DYNC2I1: variants seen among roughly 807,000 people sequenced by gnomAD.
The protein encoded by DYNC2I1 is dynein 2 intermediate chain 1.
Under a neutral mutation model 133.4 loss-of-function variants are expected in DYNC2I1, and 89 were observed. That is an observed-to-expected ratio of 0.67 (90% CI 0.56 to 0.80). The LOEUF is 0.80. Among genes scored for constraint, DYNC2I1 ranks in the 30% least tolerant of loss-of-function variants. DYNC2I1 has a pLI of 0.00. For synonymous variants in DYNC2I1, 504 were observed against 484.3 expected, an observed-to-expected ratio of 1.04 and a Z score of -0.54; for missense variants, 1,291 against 1,314.5, an observed-to-expected ratio of 0.98 and a Z score of 0.28.
At chr7:158,944,705 A>G (rs1230816623) in intron 24 of DYNC2I1, among the ~76,000 whole-genome samples, 1 of 152,196 alleles carries the variant, frequency 6.6e-6, no homozygotes, top group Non-Finnish European at 1.5e-5. Context: ...TGACAAGGGC[A>G]GGGACCCTAC....
At chr7:158,841,188 TATATATATATATATATATATATATATA>T in the DYNC2I1 span, among the ~76,000 whole-genome samples, 1 of 70,338 alleles carries the variant, frequency 1.4e-5, no homozygotes, top group Non-Finnish European at 2.5e-5. Context: ...TATATATATA[TATATATATATATATATATATATATATA>T]TATATATTTT....
At chr7:158,933,170 G>A (rs1019390120) in intron 21 of DYNC2I1, among the ~76,000 whole-genome samples, 1 of 152,198 alleles carries the variant, frequency 6.6e-6, no homozygotes, top group Admixed American at 6.5e-5. Flanking sequence ...TTGATGATGT[G>A]GGTGTGGCAG....
In DYNC2I1 at chr7:158,915,721, G is replaced by A. The variant is rs1483450092; in HGVS notation, c.1791+1400G>A. 2.8e-3 allele frequency among the ~76,000 whole-genome samples: 316 copies of A among 111,364 alleles called. 1 individual carries two copies. Among genetic ancestry groups the A allele is most frequent in the African/African-American group, 0.011 (299 of 28,184 alleles). 73.1% of individuals were successfully genotyped at this position (111,364 alleles called of 152,430 possible). On this transcript the variant is annotated intron_variant, in intron 14 of 24. Coordinates refer to ENST00000407559, the MANE Select transcript of DYNC2I1 (RefSeq NM_018051.5). Reference sequence around the variant, plus strand: ...TTGACATTAAGGATGATTGTGAAACGTCGACACGCTGGTTGACATTAAGGA... The same window carrying A: ...TTGACATTAAGGATGATTGTGAAACATCGACACGCTGGTTGACATTAAGGA...
At position 158,916,142 on chromosome 7, in the gene DYNC2I1, ATGG is replaced by A. The variant is rs1467724299; in HGVS notation, c.1791+1826_1791+1828del. ...TTAAGGATGATTGTGAAACGTCGAC[ATGG>A]TGGTTGACATTAAGGATGATTGTGA... On this transcript the variant is annotated intron_variant, in intron 14 of 24. Coordinates refer to ENST00000407559, the MANE Select transcript of DYNC2I1 (RefSeq NM_018051.5). 1.2e-4 allele frequency among the ~76,000 whole-genome samples: 10 copies of A among 83,614 alleles called. 1 individual carries two copies. The highest frequency in any genetic ancestry group is 9.9e-4 in the East Asian group (4 of 4,054). The allele number at this position is 83,614 out of a possible 152,430, so 54.9% of individuals were successfully genotyped here.
chr7:158,957,397 CTTTG>C (rs924610444), downstream of DYNC2I1, among the ~76,000 whole-genome samples: 23 of 152,340 alleles, frequency 1.5e-4, no homozygotes, highest in African/African-American at 3.4e-4. Context: ...TAGACTACTT[CTTTG>C]TTTGTTTTAT....
intron 8 of DYNC2I1, among the ~76,000 whole-genome samples, chr7:158,895,429 T>A (rs1407418119): frequency 1.3e-5 from 2 of 152,234 alleles, no homozygotes; most frequent in African/African-American, 4.8e-5. Flanking sequence ...CATTGCTCCC[T>A]TTTCAAAGAT....
intron 4 of DYNC2I1, among the ~76,000 whole-genome samples, chr7:158,879,107 C>T (rs1375685422): frequency 1.3e-5 from 2 of 152,058 alleles, no homozygotes; most frequent in African/African-American, 2.4e-5. Context: ...AGCGAGGTGG[C>T]TGGGCTGCAG....
At chr7:158,891,935 T>C (rs1845268020) in intron 8 of DYNC2I1, among the ~76,000 whole-genome samples, 1 of 132,056 alleles carries the variant, frequency 7.6e-6, no homozygotes, top group African/African-American at 2.7e-5. Context: ...GAGGGAAGAA[T>C]TGCGGACGGG....
chr7:158,891,262 T>C lies in DYNC2I1; in HGVS notation c.991-3T>C, dbSNP rs1845190971. ...GCTGATGGGGCTGTTCTCTCTCCAT[T>C]AGCATGGCCACGAGGAAGGCTCTTC... On this transcript the variant is annotated splice_polypyrimidine_tract_variant and splice_region_variant and intron_variant, in intron 7 of 24. Coordinates refer to ENST00000407559, the MANE Select transcript of DYNC2I1 (RefSeq NM_018051.5). 6.2e-7 allele frequency: 1 copy of C among 1,613,962 alleles called. No individual in the cohort carries two copies. Among genetic ancestry groups the C allele is most frequent in the Non-Finnish European group, 8.5e-7 (1 of 1,179,872 alleles).
chr7:158,842,351 A>G, the DYNC2I1 span, among the ~76,000 whole-genome samples: 3 of 152,180 alleles, frequency 2.0e-5, no homozygotes, highest in Non-Finnish European at 1.5e-5. Context: ...TATTCCTCAC[A>G]TTCAACCTGA....
intron 8 of DYNC2I1, 72 bp from the exon 9 acceptor site, chr7:158,901,667 T>G (rs1260205862): frequency 2.1e-6 from 2 of 965,194 alleles, no homozygotes; most frequent in African/African-American, 3.3e-5. Context: ...ACATATATGT[T>G]TTCCCAATCT....
chr7:158,914,282 T>C lies in DYNC2I1; in HGVS notation c.1752T>C (p.Asp584=), dbSNP rs746193355. Residue 584 remains aspartate, a synonymous_variant, in exon 14 of 25, where the codon GAT becomes GAC. Transcript: ENST00000407559. ...TSDAVVMPKI[D]TPRLCSFLRA... is the part of the protein sequence containing the mutation. ...ATGCTGTAGTTATGCCAAAGATTGA[T>C]ACTCCAAGGTTATGTAGCTTTCTGC... is the stretch of plus-strand genomic sequence containing the variant. 5 of 1,613,020 alleles carry C rather than the reference T, an allele frequency of 3.1e-6. No individual in the cohort carries two copies. The Admixed American group carries it at 8.3e-5, about 27-fold the overall frequency.
Position 158,879,687 on chromosome 7 carries a change from C to G in DYNC2I1, c.577C>G (p.Gln193Glu), listed in dbSNP as rs1243067613. The change falls in exon 5 of 25, where the codon CAG (glutamine) becomes GAG (glutamate). Residue 193 changes from glutamine to glutamate, a missense_variant. Gln to Glu is a conservative substitution (Grantham distance 29). Coordinates refer to ENST00000407559, the MANE Select transcript of DYNC2I1 (RefSeq NM_018051.5). ...CTCAGCTTGTCGTGTTTTACAGCTG[C>G]AGTACGGAGACAGCAAGGACAACCC... is the stretch of plus-strand genomic sequence containing the variant. ...RERRYRERKL[Q>E]YGDSKDNPLK... 7 of 1,571,770 alleles carry G rather than the reference C, an allele frequency of 4.5e-6. No homozygotes were observed. The South Asian group carries it at 5.9e-5, about 13-fold the overall frequency.
chr7:158,859,577 A>T (rs1185542123), intron 1 of DYNC2I1, among the ~76,000 whole-genome samples: 1 of 152,120 alleles, frequency 6.6e-6, no homozygotes, highest in African/African-American at 2.4e-5. Flanking sequence ...ATCTCAGCTC[A>T]CTGCAACCGC....
intron 21 of DYNC2I1, among the ~76,000 whole-genome samples, chr7:158,932,729 G>C (rs764603619): frequency 6.6e-6 from 1 of 152,154 alleles, no homozygotes; most frequent in Non-Finnish European, 1.5e-5. Context: ...CAGTTAGGAG[G>C]CTTCTGGAGT....
At position 158,936,246 on chromosome 7, in the gene DYNC2I1, T is replaced by C. The variant is rs150806184; in HGVS notation, c.2778+1697T>C. Among the ~76,000 whole-genome samples the C allele has an allele frequency of 2.4e-3, 363 of 152,310 alleles. 4 individuals carry two copies. The highest frequency in any genetic ancestry group is 8.3e-3 in the South Asian group (40 of 4,822). ...ATTTTGTTGTTGGTGATTTCCAGTG[T>C]GGAGCTCTTGAGCTTTTTTTGGCTT... is the stretch of plus-strand genomic sequence containing the variant. On this transcript the variant is annotated intron_variant, in intron 23 of 24. Coordinates refer to ENST00000407559, the MANE Select transcript of DYNC2I1 (RefSeq NM_018051.5).
chr7:158,923,738 G>A lies in DYNC2I1; in HGVS notation c.2257+5G>A. On this transcript the variant is annotated splice_donor_5th_base_variant and intron_variant, in intron 17 of 24. Transcript: ENST00000407559. ...GGACCGCCACGTTTTCCACCGGTCA[G>A]TGTCATCTGCCTGCCAATTGTGTGT... 1 of 1,600,410 alleles carries A rather than the reference G, an allele frequency of 6.2e-7. No individual in the cohort carries two copies. Among genetic ancestry groups the A allele is most frequent in the Non-Finnish European group, 8.5e-7 (1 of 1,171,416 alleles).
intron 3 of DYNC2I1, among the ~76,000 whole-genome samples, chr7:158,873,249 A>G (rs928185973): frequency 3.3e-5 from 5 of 152,222 alleles, no homozygotes; most frequent in Non-Finnish European, 7.3e-5. Flanking sequence ...CTTCTTACAA[A>G]AATGTAAACT....
intron 5 of DYNC2I1, among the ~76,000 whole-genome samples, chr7:158,884,046 ATTT>A (rs373885374): frequency 2.4e-5 from 3 of 125,568 alleles, no homozygotes; most frequent in African/African-American, 5.9e-5. Flanking sequence ...TTAAAAAACA[ATTT>A]TTTTTTTTTT....
Sources: allele counts gnomAD v4.1 joint callset (sites outside exome capture counted in the v4.1 genomes callset), GRCh38; gene constraint gnomAD v4.1.1; transcripts MANE v1.5; gene names NCBI Gene and HGNC (gene_info 2026-07-23, HGNC 2026-07-21).